FANCL: variants seen among roughly 807,000 people sequenced by gnomAD.
The protein encoded by FANCL is FA complementation group L, also known as E3 ubiquitin-protein ligase FANCL.
FANCL carries 69 observed loss-of-function variants against 59.4 expected under a neutral mutation model. The ratio of observed to expected loss-of-function variants is 1.16; its 90% CI spans 0.96 to 1.42. The LOEUF (loss-of-function observed/expected upper bound fraction) is 1.42. Ranked by LOEUF, FANCL falls within the 40% of genes most tolerant of loss-of-function variation. The probability of loss-of-function intolerance (pLI) is 0.00; values close to 1 mark genes in which losing one functional copy is unlikely to be tolerated. For missense variants in FANCL, 519 were observed against 447.2 expected (o/e 1.16, Z -1.45); for synonymous variants, 180 against 147.1 (o/e 1.22, Z -1.62).
chr2:58,201,218 CTAAT>C (rs1045990604), intron 6 of FANCL, among the ~76,000 whole-genome samples: 5 of 151,476 alleles, frequency 3.3e-5, no homozygotes, highest in Admixed American at 3.3e-4. Flanking sequence ...CCACTGACAA[CTAAT>C]TGTCAAAACT....
At chr2:58,214,254 T>C (rs770205464) in intron 5 of FANCL, among the ~76,000 whole-genome samples, 3 of 152,232 alleles carry the variant, frequency 2.0e-5, no homozygotes, top group Non-Finnish European at 2.9e-5. Flanking sequence ...GGCTTTCATC[T>C]ATTATCGAAG....
chr2:58,203,992 G>T, intron 6 of FANCL, 138 bp downstream of exon 6: 1 of 744,448 alleles, frequency 1.3e-6, no homozygotes, highest in Non-Finnish European at 2.4e-6. Flanking sequence ...ATTCTTTGAG[G>T]CTTTCCAAAA....
At chr2:58,180,987 T>C (rs1687885862) in intron 7 of FANCL, among the ~76,000 whole-genome samples, 1 of 152,118 alleles carries the variant, frequency 6.6e-6, no homozygotes, top group African/African-American at 2.4e-5. Context: ...ATGGCACAAC[T>C]GTTTTGAAAA....
chr2:58,185,446 C>T (rs561552139), intron 7 of FANCL, among the ~76,000 whole-genome samples: 8 of 152,146 alleles, frequency 5.3e-5, no homozygotes, highest in Admixed American at 1.3e-4. Flanking sequence ...GCATATCTGA[C>T]ATTTAAACCT....
chr2:58,181,949 T>G (rs114768746), intron 7 of FANCL, among the ~76,000 whole-genome samples: 2,410 of 151,734 alleles, frequency 0.016, 79 homozygotes, highest in African/African-American at 0.056. Context: ...TTCAAATCTA[T>G]ATATTTAAAT....
intron 7 of FANCL, among the ~76,000 whole-genome samples, chr2:58,185,702 A>C (rs543883155): frequency 1.3e-5 from 2 of 152,198 alleles, no homozygotes; most frequent in South Asian, 2.1e-4. Flanking sequence ...GAAATAAACC[A>C]CTCGAAAACT....
chr2:58,234,568 T>C (rs1037759710), intron 1 of FANCL, among the ~76,000 whole-genome samples: 4 of 151,270 alleles, frequency 2.6e-5, no homozygotes, highest in Non-Finnish European at 4.4e-5. Flanking sequence ...AAAAATAAAA[T>C]AGTAGAAAAA....
chr2:58,161,467 T>TC, intron 12 of FANCL, 55 bp downstream of exon 12: 1 of 1,069,214 alleles, frequency 9.4e-7, no homozygotes, highest in Middle Eastern at 2.0e-4. Context: ...CAAACAGGAA[T>TC]ACTTCCTATG....
intron 7 of FANCL, among the ~76,000 whole-genome samples, chr2:58,173,096 A>G (rs888124149): frequency 2.0e-5 from 3 of 152,214 alleles, no homozygotes; most frequent in African/African-American, 7.2e-5. Context: ...AAAAAAGAAT[A>G]ACAAGAAACG....
rs1187418464 is a variant in FANCL, at chr2:58,185,280, T to G, written c.540+13314A>C. 2.0e-5 allele frequency among the ~76,000 whole-genome samples: 3 copies of G among 152,162 alleles called. 1 individual carries two copies. Among genetic ancestry groups the G allele is most frequent in the Non-Finnish European group, 4.4e-5 (3 of 68,020 alleles). On this transcript the variant is annotated intron_variant, in intron 7 of 13. Coordinates refer to ENST00000233741, the MANE Select transcript of FANCL (RefSeq NM_018062.4). ...CCAATATTAAGTTCTCCTAAGGCAC[T>G]TAATGAAATTCTCTGCACCTAAATC...
intron 7 of FANCL, among the ~76,000 whole-genome samples, chr2:58,184,437 G>C (rs1053745801): frequency 4.6e-5 from 7 of 152,012 alleles, no homozygotes; most frequent in Non-Finnish European, 1.0e-4. Flanking sequence ...AATAGGTTTT[G>C]AACCACAAAT....
rs542791123 is a variant in FANCL, at chr2:58,161,827, C to T, written c.904-189G>A. On this transcript the variant is annotated intron_variant, in intron 11 of 13. Transcript: ENST00000233741. ...GGGAACATTACAATTCTTCTAACTA[C>T]TTTAGAATACGAAATCATCTATGTG... Among the ~76,000 whole-genome samples, 3 of 151,924 alleles carry T rather than the reference C, an allele frequency of 2.0e-5. No homozygotes were observed. In the South Asian group the frequency reaches 6.2e-4, roughly 31 times the overall value.
At chr2:58,238,246 G>A (rs1694202777) in intron 1 of FANCL, among the ~76,000 whole-genome samples, 1 of 152,050 alleles carries the variant, frequency 6.6e-6, no homozygotes, top group African/African-American at 2.4e-5. Context: ...TGTGACCCAG[G>A]GAAGCCAAAA....
At chr2:58,201,362 AAATC>A (rs1442376776) in intron 6 of FANCL, among the ~76,000 whole-genome samples, 10 of 151,930 alleles carry the variant, frequency 6.6e-5, no homozygotes, top group Non-Finnish European at 1.3e-4. Flanking sequence ...GCAGAAAATC[AAATC>A]AATAACTAAA....
At chr2:58,189,861 T>C (rs1481704967) in intron 7 of FANCL, among the ~76,000 whole-genome samples, 2 of 152,064 alleles carry the variant, frequency 1.3e-5, no homozygotes, top group Non-Finnish European at 2.9e-5. Flanking sequence ...CTTGCAACAG[T>C]TGTTTTCAAT....
intron 7 of FANCL, among the ~76,000 whole-genome samples, chr2:58,168,608 C>T (rs957276795): frequency 1.3e-5 from 2 of 152,030 alleles, no homozygotes; most frequent in Non-Finnish European, 2.9e-5. Context: ...AAACTATTCA[C>T]TCCCCTAGAA....
At chr2:58,205,970 T>TA (rs1213230698) in intron 5 of FANCL, among the ~76,000 whole-genome samples, 1 of 152,168 alleles carries the variant, frequency 6.6e-6, no homozygotes, top group Admixed American at 6.6e-5. Context: ...TGTTACTAGT[T>TA]ACAATTTTTA....
intron 12 of FANCL, among the ~76,000 whole-genome samples, chr2:58,160,471 A>G (rs1165808154): frequency 6.6e-6 from 1 of 152,012 alleles, no homozygotes; most frequent in African/African-American, 2.4e-5. Flanking sequence ...TATCCCCAGA[A>G]TAGACATACA....
intron 7 of FANCL, among the ~76,000 whole-genome samples, chr2:58,169,737 AC>A (rs1558746399): frequency 6.6e-6 from 1 of 152,098 alleles, no homozygotes; most frequent in African/African-American, 2.4e-5. Flanking sequence ...AAAACACAGC[AC>A]GAGAACTTTG....
Sources: allele counts gnomAD v4.1 joint callset (sites outside exome capture counted in the v4.1 genomes callset), GRCh38; gene constraint gnomAD v4.1.1; transcripts MANE v1.5; gene names NCBI Gene and HGNC (gene_info 2026-07-23, HGNC 2026-07-21).